ZNF787: variants seen among roughly 807,000 people sequenced by gnomAD.
ZNF787 encodes TTF-I-interacting peptide 20.
In ZNF787, 7 loss-of-function variants were observed where a neutral mutation model predicts 16.9. The observed-to-expected ratio is 0.42, with a 90% CI of 0.24 to 0.78. The LOEUF (loss-of-function observed/expected upper bound fraction) is 0.78. ZNF787 is among the 30% of genes least tolerant of loss of function. ZNF787 has a pLI of 0.30. For missense variants in ZNF787, 551 were observed against 589.3 expected (o/e 0.94, Z 0.67); for synonymous variants, 345 against 270.9 (o/e 1.27, Z -2.69).
rs1233202462 is a variant in ZNF787, at chr19:56,087,983, C to T, written c.*40G>A. ...CTTGCACGTCGTCGCTCCCGCCAAG[C>T]CCGAGGGGCCCTGCCCGCCCCCCCC... On this transcript the variant is annotated 3_prime_UTR_variant, in exon 3 of 3. Coordinates refer to ENST00000610935, the MANE Select transcript of ZNF787 (RefSeq NM_001002836.4). 8 of 1,297,448 alleles carry T rather than the reference C, an allele frequency of 6.2e-6. No homozygotes were observed. The African/African-American group carries it at 1.1e-4, about 18-fold the overall frequency. 80.4% of individuals were successfully genotyped at this position (1,297,448 alleles called of 1,614,324 possible). A position where few individuals can be genotyped will look rare whatever the true frequency, so the allele number is the denominator to read the frequency against.
chr19:56,103,249 G>A lies in ZNF787; in HGVS notation c.-10-22C>T, dbSNP rs368746716. 2.5e-5 allele frequency: 38 copies of A among 1,526,418 alleles called. No homozygotes were observed. In the Middle Eastern group the frequency reaches 8.9e-4, roughly 36 times the overall value. 94.6% of individuals were successfully genotyped at this position (1,526,418 alleles called of 1,614,324 possible). On this transcript the variant is annotated intron_variant, in intron 1 of 2. Transcript: ENST00000610935. ...GTCCCTGTTAGAAGGGGATGAGACA[G>A]AAGGACAGAGTTTATGGGGTGCCAG...
intron 1 of ZNF787, among the ~76,000 whole-genome samples, chr19:56,112,419 C>T (rs780778133): frequency 5.3e-5 from 8 of 152,162 alleles, no homozygotes; most frequent in Non-Finnish European, 1.0e-4. Flanking sequence ...GGCAGGGGTG[C>T]GTTCCCCTCG....
chr19:56,120,173 C>T (rs2030247549), intron 1 of ZNF787, among the ~76,000 whole-genome samples: 1 of 152,224 alleles, frequency 6.6e-6, no homozygotes, highest in Non-Finnish European at 1.5e-5. Flanking sequence ...CATCTCCCTG[C>T]TCCCTGTCTC....
chr19:56,100,483 C>T (rs545826052), intron 2 of ZNF787, among the ~76,000 whole-genome samples: 3 of 152,290 alleles, frequency 2.0e-5, no homozygotes, highest in Admixed American at 1.3e-4. Context: ...AGGTGGGCTG[C>T]GAGCCCTGCT....
At position 56,088,049 on chromosome 19, in the gene ZNF787, C is replaced by T. The variant is rs764792539; in HGVS notation, c.1123G>A (p.Glu375Lys). Reference protein sequence around the residue: ...DDEAAGGRCPECRGGEGR With the variant: ...DDEAAGGRCPKCRGGEGR Reference sequence around the variant, plus strand: ...TACCGGCCCTCCCCACCGCGGCACTCGGGGCACCGCCCGCCCGCGGCCTCG... The same window carrying T: ...TACCGGCCCTCCCCACCGCGGCACTTGGGGCACCGCCCGCCCGCGGCCTCG... The change falls in exon 3 of 3, where the codon GAG becomes AAG. Residue 375 changes from glutamate (E) to lysine (K), a missense_variant. By Grantham distance (56) the Glu-to-Lys change is moderately conservative. Transcript: ENST00000610935. The surrounding 1 kb of genome is among the most constrained non-coding windows in gnomAD (Gnocchi z 8.6). 2 of 1,209,148 alleles carry T rather than the reference C, an allele frequency of 1.7e-6. No homozygotes were observed. Among genetic ancestry groups the T allele is most frequent in the Non-Finnish European group, 2.1e-6 (2 of 950,690 alleles). The allele number at this position is 1,209,148 out of a possible 1,614,324, so 74.9% of individuals were successfully genotyped here. A position where few individuals can be genotyped will look rare whatever the true frequency, so the allele number is the denominator to read the frequency against.
In ZNF787 at chr19:56,103,409, T is replaced by C. The variant is rs574296599; in HGVS notation, c.-10-182A>G. 16 of 496,894 alleles carry C rather than the reference T, an allele frequency of 3.2e-5. No homozygotes were observed. In the East Asian group the frequency reaches 5.2e-4, roughly 16 times the overall value. 30.8% of individuals were successfully genotyped at this position (496,894 alleles called of 1,614,324 possible). A position where few individuals can be genotyped will look rare whatever the true frequency, so the allele number is the denominator to read the frequency against. ...TGGAGCTAGCCTGGCCGCTCCCCAC[T>C]GCAGGGGCCAGCCAAGGCCTCACAC... On this transcript the variant is annotated intron_variant, in intron 1 of 2. Transcript: ENST00000610935.
intron 1 of ZNF787, among the ~76,000 whole-genome samples, chr19:56,117,721 TA>T (rs1382961265): frequency 6.6e-6 from 1 of 152,232 alleles, no homozygotes; most frequent in Non-Finnish European, 1.5e-5. Context: ...CTGCGACACC[TA>T]CTATAGGTCC....
chr19:56,096,972 G>C (rs1417429668), intron 2 of ZNF787, among the ~76,000 whole-genome samples: 1 of 152,096 alleles, frequency 6.6e-6, no homozygotes, highest in East Asian at 1.9e-4. Context: ...ACTCCATCTG[G>C]GGTCATCAGG....
chr19:56,102,959 G>C, intron 2 of ZNF787, 180 bp downstream of exon 2: 1 of 727,590 alleles, frequency 1.4e-6, no homozygotes, highest in Non-Finnish European at 2.5e-6. Context: ...CACAACACTA[G>C]CCCTCCCTCT....
intron 1 of ZNF787, among the ~76,000 whole-genome samples, chr19:56,118,544 C>A (rs1445888214): frequency 6.6e-6 from 1 of 152,150 alleles, no homozygotes; most frequent in Non-Finnish European, 1.5e-5. Context: ...AAGTGCCATC[C>A]AGAGCCTCCA....
In ZNF787 at chr19:56,102,735, T is replaced by C. The variant is rs1986148119; in HGVS notation, c.79+404A>G. On this transcript the variant is annotated intron_variant, in intron 2 of 2. Transcript: ENST00000610935. ...CCCTGCGCTCCTGGGCCACCCCTGGTGTAAGGAGTTTCCTGCCAGGGAGGG... is the reference window on the plus strand; with the variant it reads ...CCCTGCGCTCCTGGGCCACCCCTGGCGTAAGGAGTTTCCTGCCAGGGAGGG... The C allele has an allele frequency of 1.4e-5, 8 of 591,858 alleles. 2 individuals are homozygous for C. The South Asian group carries it at 1.6e-4, about 12-fold the overall frequency. The allele number at this position is 591,858 out of a possible 1,614,324, so 36.7% of individuals were successfully genotyped here.
intron 1 of ZNF787, among the ~76,000 whole-genome samples, chr19:56,105,179 G>A (rs544898266): frequency 7.2e-5 from 11 of 152,014 alleles, no homozygotes; most frequent in African/African-American, 2.4e-4. Flanking sequence ...AATGAAACAG[G>A]CTCTGAGGCA....
At chr19:56,093,868 C>A (rs766304503) in intron 2 of ZNF787, among the ~76,000 whole-genome samples, 1 of 152,194 alleles carries the variant, frequency 6.6e-6, no homozygotes. Flanking sequence ...TCTTTCAATG[C>A]GCAGCTTTCA....
At chr19:56,103,821 C>T (rs1986200185) in intron 1 of ZNF787, among the ~76,000 whole-genome samples, 1 of 136,180 alleles carries the variant, frequency 7.3e-6, no homozygotes, top group Admixed American at 7.1e-5. Flanking sequence ...CACCACCGAC[C>T]CGTGCCACGC....
chr19:56,093,282 G>A lies in ZNF787; in HGVS notation c.80-4190C>T, dbSNP rs377695368. 7.7e-4 allele frequency among the ~76,000 whole-genome samples: 117 copies of A among 151,894 alleles called. 1 individual carries two copies. Among genetic ancestry groups the A allele is most frequent in the Non-Finnish European group, 1.2e-3 (83 of 67,922 alleles). Reference sequence around the variant, plus strand: ...ATATTCCATAGATACAGGGGATGGCGAAAGTGGGATATTCCATAGACACAG... The same window carrying A: ...ATATTCCATAGATACAGGGGATGGCAAAAGTGGGATATTCCATAGACACAG... On this transcript the variant is annotated intron_variant, in intron 2 of 2. Coordinates refer to ENST00000610935, the MANE Select transcript of ZNF787 (RefSeq NM_001002836.4).
rs2078329246 is a variant in ZNF787, at chr19:56,087,949, T to G, written c.*74A>C. 1.4e-5 allele frequency: 18 copies of G among 1,292,174 alleles called. No individual in the cohort carries two copies. The highest frequency in any genetic ancestry group is 3.5e-5 in the East Asian group (1 of 28,580). The allele number at this position is 1,292,174 out of a possible 1,614,324, so 80.0% of individuals were successfully genotyped here. A position where few individuals can be genotyped will look rare whatever the true frequency, so the allele number is the denominator to read the frequency against. On this transcript the variant is annotated 3_prime_UTR_variant, in exon 3 of 3. Transcript: ENST00000610935. ...CGCACCCCGTCCGCTTCTCCCTGGG[T>G]CTCTTGGTCTTGCACGTCGTCGCTC...
chr19:56,120,316 T>A (rs1167660874), intron 1 of ZNF787, among the ~76,000 whole-genome samples: 1 of 146,674 alleles, frequency 6.8e-6, no homozygotes, highest in East Asian at 2.2e-4. Context: ...TGGGGTCAGC[T>A]CCCTGGACTG....
chr19:56,095,180 G>T (rs1985825491), intron 2 of ZNF787, among the ~76,000 whole-genome samples: 1 of 152,166 alleles, frequency 6.6e-6, no homozygotes, highest in Non-Finnish European at 1.5e-5. Flanking sequence ...CCGCTCCTGT[G>T]AAAATCTCAT....
intron 1 of ZNF787, among the ~76,000 whole-genome samples, chr19:56,109,350 C>A (rs1235102444): frequency 6.6e-6 from 1 of 151,952 alleles, no homozygotes; most frequent in East Asian, 1.9e-4. Flanking sequence ...GCTCTAGCCT[C>A]CCCTTTCTTC....
Sources: gnomAD v4.1 joint callset for allele counts (sites outside exome capture counted in the v4.1 genomes callset) on GRCh38, gnomAD v4.1.1 for gene constraint, Gnocchi (gnomAD v3.1) non-coding constraint, MANE v1.5 for transcripts, NCBI Gene and HGNC (gene_info 2026-07-23, HGNC 2026-07-21) for gene names.